Variants in ERMAP observed in about 807,000 individuals in gnomAD.
The protein encoded by ERMAP is erythroid membrane-associated protein.
In ERMAP, 34 loss-of-function variants were observed where a neutral mutation model predicts 49.5. That is an observed-to-expected ratio of 0.69 (90% CI 0.52 to 0.91). The LOEUF (loss-of-function observed/expected upper bound fraction) is 0.91. Ranked by LOEUF, ERMAP falls within the 40% of genes least tolerant of loss-of-function variation. The probability of loss-of-function intolerance (pLI) is 0.00; values close to 1 mark genes in which losing one functional copy is unlikely to be tolerated. For synonymous variants in ERMAP, 214 were observed against 232.2 expected (o/e 0.92, Z 0.71); for missense variants, 541 against 582.6 (o/e 0.93, Z 0.74).
intron 6 of ERMAP, among the ~76,000 whole-genome samples, chr1:42,836,583 T>C (rs774417117): frequency 2.0e-5 from 3 of 152,086 alleles, no homozygotes; most frequent in Non-Finnish European, 2.9e-5. Context: ...TGGCCGGGCA[T>C]GGTGGCTCAC....
chr1:42,840,800 A>T (rs1233248965), intron 11 of ERMAP, among the ~76,000 whole-genome samples: 1 of 152,038 alleles, frequency 6.6e-6, no homozygotes, highest in Non-Finnish European at 1.5e-5. Flanking sequence ...CCATGCTTTC[A>T]GGTTTGGGAA....
In ERMAP at chr1:42,840,170, C is replaced by G. The variant is rs760222377; in HGVS notation, c.677C>G (p.Ala226Gly). The G allele has an allele frequency of 1.9e-6, 3 of 1,614,174 alleles. No individual in the cohort carries two copies. In the South Asian group the frequency reaches 3.3e-5, roughly 18 times the overall value. ...TTCATAGAGTTGAAAAGAGCTGCAG[C>G]AAACTCAGGTGAGATGCACTTTCTC... is the stretch of plus-strand genomic sequence containing the variant. ...RSELKLKRAA[A>G]NSGWRRARLH... Residue 226 changes from alanine (A) to glycine (G), a missense_variant, in exon 10 of 12, where the codon GCA becomes GGA. By Grantham distance (60) the Ala-to-Gly change is moderately conservative (BLOSUM62 0). Transcript: ENST00000372517.
intron 11 of ERMAP, among the ~76,000 whole-genome samples, chr1:42,840,623 G>T (rs530935764): frequency 1.3e-5 from 2 of 151,628 alleles, no homozygotes; most frequent in African/African-American, 4.8e-5. Context: ...GTTCTATTTG[G>T]GCTTTTTTTT....
In ERMAP at chr1:42,843,026, C is replaced by T. The variant is rs1487486341; in HGVS notation, c.1222C>T (p.Pro408Ser). 1.2e-6 allele frequency: 2 copies of T among 1,614,192 alleles called. No homozygotes were observed. Among genetic ancestry groups the T allele is most frequent in the African/African-American group, 1.3e-5 (1 of 75,038 alleles). Residue 408 changes from proline to serine, a missense_variant, in exon 12 of 12, where the codon CCT (proline) becomes TCT (serine). Pro to Ser is a moderately conservative substitution (Grantham distance 74, BLOSUM62 -1). Transcript: ENST00000372517. ...TCATGATGGAGGAAAAAACACAGCACCTCTAGTCATTTGTTCAGAACTACA... is the reference window on the plus strand; with the variant it reads ...TCATGATGGAGGAAAAAACACAGCATCTCTAGTCATTTGTTCAGAACTACA... The part of the protein sequence containing the change: ...CLHDGGKNTA[P>S]LVICSELHKS...
chr1:42,818,445 A>G (rs976147510), intron 1 of ERMAP, among the ~76,000 whole-genome samples: 1 of 152,228 alleles, frequency 6.6e-6, no homozygotes, highest in Non-Finnish European at 1.5e-5. Flanking sequence ...AAAAAGTTCT[A>G]GAGATCTACT....
Position 42,843,367 on chromosome 1 carries a change from T to C in ERMAP, c.*135T>C. ...CAGACCCTTTTGTGGTTTCTATTTGTACCACTTTTCTCCCAGGCCTCAGTT... is the reference window on the plus strand; with the variant it reads ...CAGACCCTTTTGTGGTTTCTATTTGCACCACTTTTCTCCCAGGCCTCAGTT... On this transcript the variant is annotated 3_prime_UTR_variant, in exon 12 of 12. Transcript: ENST00000372517. The C allele has an allele frequency of 1.6e-6, 1 of 619,404 alleles. No individual in the cohort carries two copies. The highest frequency in any genetic ancestry group is 2.6e-5 in the South Asian group (1 of 38,702). The allele number at this position is 619,404 out of a possible 1,614,324, so 38.4% of individuals were successfully genotyped here. A position where few individuals can be genotyped will look rare whatever the true frequency, so the allele number is the denominator to read the frequency against.
In ERMAP at chr1:42,844,300, C is replaced by G; in HGVS notation, c.*1068C>G. ...TGTATTGCAGAAGCCTCGTCGCTTT[C>G]AAGTCACATCATATATGCGATCTGG... On this transcript the variant is annotated 3_prime_UTR_variant, in exon 12 of 12. Transcript: ENST00000372517. This position sits in a 1 kb window ranked among gnomAD's most constrained non-coding sequence, Gnocchi z 4.0. 1 of 394,614 alleles carries G rather than the reference C, an allele frequency of 2.5e-6. No individual in the cohort carries two copies. The highest frequency in any genetic ancestry group is 4.5e-6 in the Non-Finnish European group (1 of 224,068). The allele number at this position is 394,614 out of a possible 1,614,324, so 24.4% of individuals were successfully genotyped here.
intron 4 of ERMAP, chr1:42,834,677 T>C: frequency 8.8e-6 from 2 of 227,480 alleles, no homozygotes; most frequent in South Asian, 5.2e-5. Context: ...TGCCTCAGCC[T>C]CCTGAAGAGC....
In ERMAP at chr1:42,830,980, C is replaced by A. The variant is rs375207937; in HGVS notation, c.298C>A (p.Leu100Ile). 1 of 1,614,206 alleles carries A rather than the reference C, an allele frequency of 6.2e-7. No homozygotes were observed. The highest frequency in any genetic ancestry group is 8.5e-7 in the Non-Finnish European group (1 of 1,180,034). The change falls in exon 4 of 12, where the codon CTA becomes ATA. Residue 100 changes from leucine (L) to isoleucine (I), a missense_variant. Coordinates refer to ENST00000372517, the MANE Select transcript of ERMAP (RefSeq NM_001017922.2). ...LMPEYKGRTV[L>I]VRDAQEGSVT... is the part of the protein sequence containing the mutation. ...GCCGGAATATAAGGGGAGGACGGTG[C>A]TAGTGAGAGATGCCCAAGAGGGAAG...
chr1:42,820,046 G>C (rs912533401), intron 1 of ERMAP, among the ~76,000 whole-genome samples: 1 of 152,106 alleles, frequency 6.6e-6, no homozygotes, highest in South Asian at 2.1e-4. Flanking sequence ...TCTAAAAATG[G>C]CTTTATTTTC....
intron 9 of ERMAP, 21 bp from the exon 10 acceptor site, chr1:42,840,131 C>T (rs1207445998): frequency 6.2e-7 from 1 of 1,614,150 alleles, no homozygotes; most frequent in Non-Finnish European, 8.5e-7. Context: ...TAGCTCATTC[C>T]CCTTGTTTCT....
At chr1:42,823,916 C>T (rs747612148) in intron 1 of ERMAP, among the ~76,000 whole-genome samples, 1 of 152,192 alleles carries the variant, frequency 6.6e-6, no homozygotes, top group Non-Finnish European at 1.5e-5. Context: ...CAAATAACGT[C>T]TTTATTATGA....
rs1345025890 is a variant in ERMAP at position 42,819,528 on chromosome 1, T to A, written c.-122+2275T>A. Among the ~76,000 whole-genome samples the A allele has an allele frequency of 6.6e-6, 1 of 152,206 alleles. No individual in the cohort carries two copies. The highest frequency in any genetic ancestry group is 2.4e-5 in the African/African-American group (1 of 41,456). ...GGTTTGTTGAATGACTAGCAAGAGT[T>A]TATAGTAATATAACTAGAATATTTT... On this transcript the variant is annotated intron_variant, in intron 1 of 11. Coordinates refer to ENST00000372517, the MANE Select transcript of ERMAP (RefSeq NM_001017922.2). This position sits in a 1 kb window ranked among gnomAD's most constrained non-coding sequence, Gnocchi z 5.1.
chr1:42,835,191 G>C, intron 5 of ERMAP, 37 bp downstream of exon 5: 1 of 882,214 alleles, frequency 1.1e-6, no homozygotes, highest in Admixed American at 1.7e-5. Context: ...CTGGTGGGAA[G>C]TGGGACTATG....
Position 42,817,252 on chromosome 1 carries a change from G to A in ERMAP, c.-123G>A. ...CGAGTCGCAGACAACGCCTCCGGGA[G>A]GGTAATCCTCGCCTTCCCCCGACCA... On this transcript the variant is annotated splice_region_variant and 5_prime_UTR_variant, in exon 1 of 12. Coordinates refer to ENST00000372517, the MANE Select transcript of ERMAP (RefSeq NM_001017922.2). The A allele has an allele frequency of 8.0e-7, 1 of 1,252,360 alleles. No individual in the cohort carries two copies. Among genetic ancestry groups the A allele is most frequent in the Non-Finnish European group, 1.0e-6 (1 of 971,880 alleles). The allele number at this position is 1,252,360 out of a possible 1,614,324, so 77.6% of individuals were successfully genotyped here. A position where few individuals can be genotyped will look rare whatever the true frequency, so the allele number is the denominator to read the frequency against.
Position 42,830,708 on chromosome 1 carries a change from C to A in ERMAP, c.86-60C>A, listed in dbSNP as rs138466210. Reference sequence around the variant, plus strand: ...GTCCCCGGGATATCCTCTTCCTCATCCCTTCCCAAGCTTTCTCCTGCCGTC... The same window carrying A: ...GTCCCCGGGATATCCTCTTCCTCATACCTTCCCAAGCTTTCTCCTGCCGTC... On this transcript the variant is annotated intron_variant, in intron 3 of 11. Coordinates refer to ENST00000372517, the MANE Select transcript of ERMAP (RefSeq NM_001017922.2). 1.4e-4 allele frequency: 198 copies of A among 1,466,056 alleles called. No individual in the cohort carries two copies. The African/African-American group carries it at 2.5e-3, about 19-fold the overall frequency. The allele number at this position is 1,466,056 out of a possible 1,614,324, so 90.8% of individuals were successfully genotyped here.
At chr1:42,833,832 C>T (rs1191598677) in intron 4 of ERMAP, among the ~76,000 whole-genome samples, 2 of 152,120 alleles carry the variant, frequency 1.3e-5, no homozygotes, top group Non-Finnish European at 2.9e-5. Context: ...GCTAGGATTA[C>T]AGGTGTGAGT....
At chr1:42,824,706 T>C (rs373382189) in intron 1 of ERMAP, 25 of 152,344 alleles carry the variant, frequency 1.6e-4, no homozygotes, top group African/African-American at 5.3e-4. Flanking sequence ...CTCACTCCCA[T>C]TGGGAACACT....
intron 4 of ERMAP, 79 bp downstream of exon 4, chr1:42,831,194 G>A: frequency 1.3e-6 from 2 of 1,488,490 alleles, no homozygotes; most frequent in Admixed American, 4.3e-5. Flanking sequence ...GTCTCTCCAT[G>A]TCTAGACTTT....
Sources: gnomAD v4.1 joint callset for allele counts (sites outside exome capture counted in the v4.1 genomes callset) on GRCh38, gnomAD v4.1.1 for gene constraint, Gnocchi (gnomAD v3.1) non-coding constraint, MANE v1.5 for transcripts, NCBI Gene and HGNC (gene_info 2026-07-23, HGNC 2026-07-21) for gene names.